BACE2: variants seen among roughly 807,000 people sequenced by gnomAD.
The protein encoded by BACE2 is beta-secretase 2.
Under a neutral mutation model 46.2 loss-of-function variants are expected in BACE2, and 17 were observed. That is an observed-to-expected ratio of 0.37 (90% CI 0.25 to 0.55). The LOEUF (loss-of-function observed/expected upper bound fraction) is 0.55. BACE2 is among the 20% of genes least tolerant of loss of function. The pLI, the probability that BACE2 is intolerant of heterozygous loss-of-function variation, is 0.82. For synonymous variants in BACE2, 277 were observed against 295.9 expected (o/e 0.94, Z 0.66); for missense variants, 595 against 698.1 (o/e 0.85, Z 1.66).
intron 1 of BACE2, among the ~76,000 whole-genome samples, chr21:41,209,614 C>T (rs942423670): frequency 6.6e-6 from 1 of 152,172 alleles, no homozygotes; most frequent in East Asian, 1.9e-4. Flanking sequence ...AGAGGCAGGA[C>T]AAGGCACGAT....
Position 41,280,155 on chromosome 21 carries a change from C to T in BACE2, c.*4531C>T, listed in dbSNP as rs1243956136. 1.3e-5 allele frequency: 2 copies of T among 152,348 alleles called. No homozygotes were observed. Among genetic ancestry groups the T allele is most frequent in the African/African-American group, 2.4e-5 (1 of 41,436 alleles). The allele number at this position is 152,348 out of a possible 1,614,324, so 9.4% of individuals were successfully genotyped here. A position where few individuals can be genotyped will look rare whatever the true frequency, so the allele number is the denominator to read the frequency against. On this transcript the variant is annotated 3_prime_UTR_variant, in exon 9 of 9. Transcript: ENST00000330333. ...GATGCCTCAAGGCCCACGCAGGACA[C>T]AGGCAGGTTCAAGGTCATGCACCTG...
At position 41,276,034 on chromosome 21, in the gene BACE2, A is replaced by T. The variant is rs186886492; in HGVS notation, c.*410A>T. On this transcript the variant is annotated 3_prime_UTR_variant, in exon 9 of 9. Coordinates refer to ENST00000330333, the MANE Select transcript of BACE2 (RefSeq NM_012105.5). ...TAGCTTACAGGAAGCTTTTTGTATT[A>T]ATTGCCTTTGAGGTTATTTTCCGCC... 1,153 of 176,520 alleles carry T rather than the reference A, an allele frequency of 6.5e-3. 15 individuals carry two copies. The highest frequency in any genetic ancestry group is 0.025 in the African/African-American group (1,058 of 42,088). 10.9% of individuals were successfully genotyped at this position (176,520 alleles called of 1,614,324 possible). A position where few individuals can be genotyped will look rare whatever the true frequency, so the allele number is the denominator to read the frequency against.
chr21:41,176,226 G>A (rs566274293), intron 1 of BACE2: 36 of 152,264 alleles, frequency 2.4e-4, no homozygotes, highest in African/African-American at 8.7e-4. Context: ...GCAACACCTG[G>A]GGTCCTGTTA....
At chr21:41,225,649 T>C (rs1162621781) in intron 1 of BACE2, 1 of 152,390 alleles carries the variant, frequency 6.6e-6, no homozygotes, top group Non-Finnish European at 1.5e-5. Flanking sequence ...TTGAGGTGAA[T>C]AGAAGTTTCT....
At chr21:41,189,078 A>G (rs76179158) in intron 1 of BACE2, among the ~76,000 whole-genome samples, 3,078 of 152,240 alleles carry the variant, frequency 0.02, 132 homozygotes, top group African/African-American at 0.07. Flanking sequence ...AGTCTGATGC[A>G]ATTGTAATTC....
chr21:41,206,575 G>A (rs1986132835), intron 1 of BACE2, among the ~76,000 whole-genome samples: 1 of 152,226 alleles, frequency 6.6e-6, no homozygotes, highest in Admixed American at 6.5e-5. Flanking sequence ...TTTATGTGAG[G>A]TTCCTGGAGA....
intron 6 of BACE2, among the ~76,000 whole-genome samples, chr21:41,247,367 C>G (rs927997118): frequency 2.0e-5 from 3 of 152,262 alleles, no homozygotes; most frequent in Admixed American, 2.0e-4. Flanking sequence ...GAAGCCACGG[C>G]AGAGTCTCCA....
intron 1 of BACE2, among the ~76,000 whole-genome samples, chr21:41,223,637 G>T (rs997190978): frequency 2.0e-4 from 31 of 152,182 alleles, no homozygotes; most frequent in African/African-American, 7.5e-4. Flanking sequence ...TCACCTCTGT[G>T]GTCCTCACCT....
intron 7 of BACE2, among the ~76,000 whole-genome samples, chr21:41,253,497 C>T (rs886384530): frequency 2.6e-5 from 4 of 151,174 alleles, no homozygotes; most frequent in Non-Finnish European, 5.9e-5. Context: ...GCTAGTAGAG[C>T]GGCAAAATGT....
chr21:41,264,495 A>G (rs2123640412), intron 8 of BACE2, among the ~76,000 whole-genome samples: 1 of 152,138 alleles, frequency 6.6e-6, no homozygotes, highest in East Asian at 1.9e-4. Context: ...TGCAGGTTAT[A>G]CAGACTTCTG....
chr21:41,275,539 TG>T lies in BACE2; in HGVS notation c.1473del (p.Leu492CysfsTer29), dbSNP rs769471538. On this transcript the variant is annotated frameshift_variant, in exon 9 of 9. Coordinates refer to ENST00000330333, the MANE Select transcript of BACE2 (RefSeq NM_012105.5). LOFTEE classifies it high-confidence loss of function. Reference protein sequence around the residue: ...AILLVLIVLLLLPFRCQRRPR... With the variant: ...AILLVLIVLLXLPFRCQRRPR... The stretch of plus-strand genomic sequence containing the variant: ...CTCCTTGTCTTAATCGTCCTGCTGC[TG>T]CTGCCGTTCCGGTGTCAGCGTCGCC... 6.2e-7 allele frequency: 1 copy of T among 1,614,074 alleles called. No individual in the cohort carries two copies. The highest frequency in any genetic ancestry group is 1.3e-5 in the African/African-American group (1 of 74,934).
chr21:41,245,934 C>A (rs768268556), intron 5 of BACE2, 28 bp from the exon 6 acceptor site: 1 of 1,565,420 alleles, frequency 6.4e-7, no homozygotes, highest in Non-Finnish European at 8.7e-7. Context: ...GTCACTCACG[C>A]ACCTTTCCCT....
chr21:41,174,792 C>T (rs923301989), intron 1 of BACE2, among the ~76,000 whole-genome samples: 2 of 152,152 alleles, frequency 1.3e-5, no homozygotes, highest in African/African-American at 4.8e-5. Flanking sequence ...CCTTGAGTCC[C>T]TTGCTGTGTG....
At chr21:41,236,043 A>G (rs951068612) in intron 2 of BACE2, among the ~76,000 whole-genome samples, 4 of 152,240 alleles carry the variant, frequency 2.6e-5, no homozygotes, top group Admixed American at 6.5e-5. Flanking sequence ...TCGCTTTAGT[A>G]TGATCTACTG....
chr21:41,176,138 T>C (rs1351569491), intron 1 of BACE2: 3 of 152,222 alleles, frequency 2.0e-5, no homozygotes, highest in East Asian at 1.9e-4. Context: ...GTCAATGATA[T>C]CATCTATTTC....
chr21:41,203,986 A>C (rs557266144), intron 1 of BACE2, among the ~76,000 whole-genome samples: 51 of 152,088 alleles, frequency 3.4e-4, no homozygotes, highest in Non-Finnish European at 6.8e-4. Flanking sequence ...TCACTCAGCT[A>C]TTTCAAGGGG....
At chr21:41,260,383 G>A (rs566278492) in intron 8 of BACE2, among the ~76,000 whole-genome samples, 5 of 152,290 alleles carry the variant, frequency 3.3e-5, no homozygotes, top group Admixed American at 6.5e-5. Flanking sequence ...GGGCTCAAGC[G>A]ATCCTCCCAC....
At chr21:41,241,073 C>A (rs1007057589) in intron 3 of BACE2, among the ~76,000 whole-genome samples, 9 of 152,180 alleles carry the variant, frequency 5.9e-5, no homozygotes. Flanking sequence ...TGACTTCCTA[C>A]ATGACCACCG....
intron 2 of BACE2, among the ~76,000 whole-genome samples, chr21:41,236,050 A>G (rs894644983): frequency 3.3e-5 from 5 of 152,226 alleles, no homozygotes; most frequent in Non-Finnish European, 7.3e-5. Context: ...AGTATGATCT[A>G]CTGGGTGATT....
Sources: gnomAD v4.1 joint callset for allele counts (sites outside exome capture counted in the v4.1 genomes callset) on GRCh38, gnomAD v4.1.1 for gene constraint, MANE v1.5 for transcripts, NCBI Gene and HGNC (gene_info 2026-07-23, HGNC 2026-07-21) for gene names.